The following CDC42SE2 variants were observed in gnomAD, a reference collection of about 807,000 sequenced individuals.
The protein encoded by CDC42SE2 is CDC42 small effector protein 2.
In CDC42SE2, 3 loss-of-function variants were observed where a neutral mutation model predicts 11.5. The observed-to-expected ratio is 0.26, with a 90% CI of 0.12 to 0.67. The LOEUF (loss-of-function observed/expected upper bound fraction) is 0.67, where lower values mean the gene tolerates loss of function less well. Among genes scored for constraint, CDC42SE2 ranks in the 30% least tolerant of loss-of-function variants. The pLI is 0.80. For missense variants in CDC42SE2, 82 were observed against 106.8 expected (o/e 0.77, Z 1.02); for synonymous variants, 33 against 34.8 (o/e 0.95, Z 0.18).
chr5:131,250,983 T>C (rs1395899606), intron 1 of CDC42SE2, among the ~76,000 whole-genome samples: 2 of 152,130 alleles, frequency 1.3e-5, no homozygotes, highest in African/African-American at 2.4e-5. Flanking sequence ...GAGAGGGAAG[T>C]AGGGTTATAT....
At chr5:131,361,373 C>T (rs531101972) in intron 3 of CDC42SE2, among the ~76,000 whole-genome samples, 26 of 152,162 alleles carry the variant, frequency 1.7e-4, no homozygotes, top group East Asian at 1.4e-3. Context: ...CATACTGAAA[C>T]GGGAAAAGTT....
chr5:131,346,599 C>A (rs548095973), intron 2 of CDC42SE2, among the ~76,000 whole-genome samples: 12 of 152,296 alleles, frequency 7.9e-5, no homozygotes, highest in African/African-American at 2.6e-4. Flanking sequence ...ATCAATGAGA[C>A]AGAAAGTTGA....
intron 3 of CDC42SE2, among the ~76,000 whole-genome samples, chr5:131,364,118 A>G (rs188468620): frequency 4.6e-5 from 7 of 152,290 alleles, no homozygotes; most frequent in East Asian, 1.9e-4. Context: ...TGTCATCTCT[A>G]CCATCATCTT....
At chr5:131,239,102 G>T in the CDC42SE2 span, among the ~76,000 whole-genome samples, 2 of 151,882 alleles carry the variant, frequency 1.3e-5, no homozygotes, top group Non-Finnish European at 2.9e-5. Flanking sequence ...GGAGGTTGAA[G>T]TGAGCCGAGA....
the CDC42SE2 span, among the ~76,000 whole-genome samples, chr5:131,223,983 C>G: frequency 6.6e-6 from 1 of 152,186 alleles, no homozygotes. Flanking sequence ...GGATCATTCC[C>G]TCCTCCTGGT....
chr5:131,268,987 G>A (rs551418395), intron 1 of CDC42SE2, among the ~76,000 whole-genome samples: 53 of 152,150 alleles, frequency 3.5e-4, no homozygotes, highest in African/African-American at 1.3e-3. Context: ...TTGACCTCGT[G>A]ATCCGCCCAC....
the CDC42SE2 span, among the ~76,000 whole-genome samples, chr5:131,216,886 G>T: frequency 6.6e-6 from 1 of 152,146 alleles, no homozygotes; most frequent in African/African-American, 2.4e-5. Flanking sequence ...CCTGAGGAAG[G>T]CTTCACTGGA....
At chr5:131,302,158 C>G (rs1757696666) in intron 1 of CDC42SE2, among the ~76,000 whole-genome samples, 1 of 151,930 alleles carries the variant, frequency 6.6e-6, no homozygotes, top group Admixed American at 6.6e-5. Context: ...AGGCACGCGC[C>G]ACTACTGCCC....
At position 131,391,145 on chromosome 5, in the gene CDC42SE2, A is replaced by ATGTCTG; in HGVS notation, c.*54_*55insTGTCTG. ...GAGCTGGGGTCTGGACCTGACGGCC[A>ATGTCTG]GACATGGCCAGGCCAATAATAGTAA... On this transcript the variant is annotated 3_prime_UTR_variant, in exon 5 of 5. Transcript: ENST00000505065. The ATGTCTG allele has an allele frequency of 8.1e-7, 1 of 1,232,896 alleles. No individual in the cohort carries two copies. Among genetic ancestry groups the ATGTCTG allele is most frequent in the Non-Finnish European group, 1.2e-6 (1 of 849,936 alleles). The allele number at this position is 1,232,896 out of a possible 1,614,324, so 76.4% of individuals were successfully genotyped here.
At chr5:131,290,936 T>A (rs1757445716) in intron 1 of CDC42SE2, among the ~76,000 whole-genome samples, 1 of 152,130 alleles carries the variant, frequency 6.6e-6, no homozygotes, top group African/African-American at 2.4e-5. Flanking sequence ...CAAGGTAAAT[T>A]CTTGATTTTT....
intron 1 of CDC42SE2, among the ~76,000 whole-genome samples, chr5:131,297,502 G>A (rs1216614279): frequency 2.6e-5 from 4 of 151,946 alleles, no homozygotes; most frequent in African/African-American, 4.8e-5. Context: ...GGTGGATCAC[G>A]AGGTCAGGAG....
chr5:131,383,479 T>C (rs1008043251), intron 3 of CDC42SE2, among the ~76,000 whole-genome samples: 2 of 152,170 alleles, frequency 1.3e-5, no homozygotes, highest in African/African-American at 4.8e-5. Context: ...TTCCCTAGTG[T>C]TATAGACTTA....
chr5:131,210,466 A>G, the CDC42SE2 span, among the ~76,000 whole-genome samples: 5 of 152,164 alleles, frequency 3.3e-5, no homozygotes, highest in African/African-American at 4.8e-5. Flanking sequence ...TACATTCTTA[A>G]TAGTTCTTTC....
intron 2 of CDC42SE2, among the ~76,000 whole-genome samples, chr5:131,349,082 A>G (rs1266932816): frequency 6.6e-6 from 1 of 152,170 alleles, no homozygotes; most frequent in Non-Finnish European, 1.5e-5. Context: ...AGGCATGGGC[A>G]AGGACTTCAT....
chr5:131,350,395 A>T (rs1183966259), intron 2 of CDC42SE2, among the ~76,000 whole-genome samples: 2 of 152,002 alleles, frequency 1.3e-5, no homozygotes, highest in Admixed American at 1.3e-4. Context: ...ATCACACCCT[A>T]CAAAATATTA....
chr5:131,358,982 A>G (rs1749632169), intron 2 of CDC42SE2, among the ~76,000 whole-genome samples: 1 of 152,252 alleles, frequency 6.6e-6, no homozygotes, highest in African/African-American at 2.4e-5. Context: ...ATCATAAAAT[A>G]GGATGCCCCA....
intron 2 of CDC42SE2, among the ~76,000 whole-genome samples, chr5:131,331,070 G>A (rs917503189): frequency 4.6e-5 from 7 of 152,054 alleles, no homozygotes; most frequent in Admixed American, 4.6e-4. Context: ...TAGCACTGAG[G>A]TTGAGAAATC....
chr5:131,281,259 T>C (rs371550976), intron 1 of CDC42SE2, among the ~76,000 whole-genome samples: 1 of 152,192 alleles, frequency 6.6e-6, no homozygotes, highest in South Asian at 2.1e-4. Flanking sequence ...CTTTTTCTCT[T>C]ACCCCCTTGT....
the CDC42SE2 span, among the ~76,000 whole-genome samples, chr5:131,212,566 T>C: frequency 6.6e-6 from 1 of 152,200 alleles, no homozygotes; most frequent in South Asian, 2.1e-4. Context: ...AGTTCTACTC[T>C]CTGCTACACT....
Sources: allele counts gnomAD v4.1 joint callset (sites outside exome capture counted in the v4.1 genomes callset), GRCh38; gene constraint gnomAD v4.1.1; transcripts MANE v1.5; gene names NCBI Gene and HGNC (gene_info 2026-07-23, HGNC 2026-07-21).